The following GAD2 variants were observed in gnomAD, a reference collection of about 807,000 sequenced individuals.
GAD2 encodes 65 kDa glutamic acid decarboxylase.
Under a neutral mutation model 80.1 loss-of-function variants are expected in GAD2, and 22 were observed. That is an observed-to-expected ratio of 0.27 (90% CI 0.20 to 0.39). The LOEUF (loss-of-function observed/expected upper bound fraction) is 0.39. Ranked by LOEUF, GAD2 falls within the 10% of genes least tolerant of loss-of-function variation. The pLI is 1.00. For missense variants in GAD2, 624 were observed against 738.4 expected (o/e 0.85, Z 1.80); for synonymous variants, 274 against 256.9 (o/e 1.07, Z -0.64).
rs1422426469 is a variant in GAD2, at chr10:26,302,072, G to A, written c.*1111G>A. On this transcript the variant is annotated 3_prime_UTR_variant, in exon 16 of 16. Transcript: ENST00000376261. The stretch of plus-strand genomic sequence containing the variant: ...GCCCAGAAAATTAAAGTTGGCCTTG[G>A]GAGAAGAGATCTCTGTGGGACAATA... 1.3e-5 allele frequency: 2 copies of A among 152,026 alleles called. No individual in the cohort carries two copies. Among genetic ancestry groups the A allele is most frequent in the Non-Finnish European group, 2.9e-5 (2 of 68,008 alleles). The allele number at this position is 152,026 out of a possible 1,614,324, so 9.4% of individuals were successfully genotyped here. A position where few individuals can be genotyped will look rare whatever the true frequency, so the allele number is the denominator to read the frequency against.
chr10:26,248,111 C>T lies in GAD2; in HGVS notation c.920+2111C>T, dbSNP rs145244337. ...GCTCATGCTTAAGACTCAGCCTCCC[C>T]GATGGCTTGCAGGTAGGGGTTTTTA... On this transcript the variant is annotated intron_variant, in intron 8 of 15. Coordinates refer to ENST00000376261, the MANE Select transcript of GAD2 (RefSeq NM_001134366.2). Among the ~76,000 whole-genome samples the T allele has an allele frequency of 1.4e-3, 213 of 152,150 alleles. 1 individual carries two copies. Among genetic ancestry groups the T allele is most frequent in the Non-Finnish European group, 1.9e-3 (127 of 67,992 alleles).
chr10:26,292,817 G>A, intron 14 of GAD2, 85 bp from the exon 15 acceptor site: 1 of 1,143,722 alleles, frequency 8.7e-7, no homozygotes, highest in South Asian at 1.3e-5. Context: ...TTCTGAACCT[G>A]CTGAATACAT....
At chr10:26,278,253 G>A (rs1318476609) in intron 11 of GAD2, among the ~76,000 whole-genome samples, 3 of 152,320 alleles carry the variant, frequency 2.0e-5, no homozygotes, top group East Asian at 1.9e-4. Context: ...GAGTTTATCC[G>A]AATTAGACAT....
In GAD2 at chr10:26,217,814, G is replaced by C; in HGVS notation, c.137-28G>C. 1.3e-6 allele frequency: 2 copies of C among 1,587,374 alleles called. No homozygotes were observed. The highest frequency in any genetic ancestry group is 1.7e-6 in the Non-Finnish European group (2 of 1,166,256). On this transcript the variant is annotated intron_variant, in intron 2 of 15. Coordinates refer to ENST00000376261, the MANE Select transcript of GAD2 (RefSeq NM_001134366.2). The surrounding 1 kb of genome is among the most constrained non-coding windows in gnomAD (Gnocchi z 4.9). ...GAGCCGGGCCCGGCGGAGGATTGAC[G>C]AGGCCCGCGTTCGGTGTCCTTACCC...
In GAD2 at chr10:26,301,001, C is replaced by G. The variant is rs1232737874; in HGVS notation, c.*40C>G. The G allele has an allele frequency of 1.2e-5, 19 of 1,522,436 alleles. No homozygotes were observed. Among genetic ancestry groups the G allele is most frequent in the Non-Finnish European group, 1.7e-5 (19 of 1,099,334 alleles). The allele number at this position is 1,522,436 out of a possible 1,614,324, so 94.3% of individuals were successfully genotyped here. A position where few individuals can be genotyped will look rare whatever the true frequency, so the allele number is the denominator to read the frequency against. On this transcript the variant is annotated 3_prime_UTR_variant, in exon 16 of 16. Coordinates refer to ENST00000376261, the MANE Select transcript of GAD2 (RefSeq NM_001134366.2). ...AAGCTGTTCCACTTCTCTAGGTAGA[C>G]AATTAAGTTGTCACAAACTGTGTGA... is the stretch of plus-strand genomic sequence containing the variant.
intron 11 of GAD2, among the ~76,000 whole-genome samples, chr10:26,279,752 G>C (rs991662340): frequency 6.6e-6 from 1 of 152,198 alleles, no homozygotes; most frequent in Non-Finnish European, 1.5e-5. Context: ...TTACTGATGA[G>C]AGAGCATCAA....
intron 11 of GAD2, among the ~76,000 whole-genome samples, chr10:26,279,254 T>C (rs1194934937): frequency 6.6e-6 from 1 of 151,654 alleles, no homozygotes; most frequent in Non-Finnish European, 1.5e-5. Flanking sequence ...GCCACAGAGA[T>C]CATACTGAAA....
intron 15 of GAD2, among the ~76,000 whole-genome samples, chr10:26,298,466 G>A (rs994422628): frequency 2.0e-5 from 3 of 152,184 alleles, no homozygotes; most frequent in Admixed American, 6.5e-5. Context: ...CGGGAACTGA[G>A]GGGATTCAAT....
chr10:26,222,964 G>A (rs181161370), intron 4 of GAD2, among the ~76,000 whole-genome samples: 28 of 152,292 alleles, frequency 1.8e-4, no homozygotes, highest in African/African-American at 6.5e-4. Context: ...TGCAAATCAC[G>A]GACCTATCGA....
chr10:26,221,593 G>T (rs1844452720), intron 4 of GAD2, among the ~76,000 whole-genome samples: 2 of 152,226 alleles, frequency 1.3e-5, no homozygotes, highest in African/African-American at 2.4e-5. Flanking sequence ...TGTGAGTGTT[G>T]CCAGGACATA....
At chr10:26,248,478 C>A (rs948462118) in intron 8 of GAD2, among the ~76,000 whole-genome samples, 2 of 152,170 alleles carry the variant, frequency 1.3e-5, no homozygotes, top group Non-Finnish European at 2.9e-5. Flanking sequence ...GGTGGGAGTC[C>A]TGGAGTCCTG....
chr10:26,258,035 G>C (rs1482180263), intron 8 of GAD2, among the ~76,000 whole-genome samples: 1 of 152,074 alleles, frequency 6.6e-6, no homozygotes, highest in Non-Finnish European at 1.5e-5. Context: ...TGCTAGTCCT[G>C]TGTGTACTTC....
In GAD2 at chr10:26,216,995, T is replaced by A; in HGVS notation, c.76+110T>A. 1 of 914,476 alleles carries A rather than the reference T, an allele frequency of 1.1e-6. No individual in the cohort carries two copies. The highest frequency in any genetic ancestry group is 1.7e-6 in the Non-Finnish European group (1 of 588,336). The allele number at this position is 914,476 out of a possible 1,614,324, so 56.6% of individuals were successfully genotyped here. On this transcript the variant is annotated intron_variant, in intron 1 of 15. Transcript: ENST00000376261. This position sits in a 1 kb window ranked among gnomAD's most constrained non-coding sequence, Gnocchi z 4.7. The stretch of plus-strand genomic sequence containing the variant: ...TTTCCACCTGCAACAGGAAACTTCT[T>A]CGGGCGCTTCTCCCTGCTTTTGGGC...
intron 10 of GAD2, among the ~76,000 whole-genome samples, chr10:26,272,929 C>T (rs1041979774): frequency 2.6e-5 from 4 of 152,126 alleles, no homozygotes; most frequent in African/African-American, 9.7e-5. Context: ...GTGATTATAT[C>T]ATAAAAGAAT....
chr10:26,242,041 C>T (rs182901510), intron 7 of GAD2, among the ~76,000 whole-genome samples: 1 of 152,104 alleles, frequency 6.6e-6, no homozygotes, highest in African/African-American at 2.4e-5. Context: ...AGTGCAGTGG[C>T]GTGATCTTGG....
chr10:26,294,851 T>C (rs965291346), intron 15 of GAD2, among the ~76,000 whole-genome samples: 3 of 152,210 alleles, frequency 2.0e-5, no homozygotes, highest in Non-Finnish European at 2.9e-5. Context: ...GAAAAAATTC[T>C]TATTTTTCCT....
chr10:26,244,404 G>C (rs191570563), intron 7 of GAD2, among the ~76,000 whole-genome samples: 1 of 152,322 alleles, frequency 6.6e-6, no homozygotes, highest in Admixed American at 6.5e-5. Flanking sequence ...GCAATTGAAA[G>C]CAGAGTCTTG....
At chr10:26,293,554 G>A (rs937789772) in intron 15 of GAD2, among the ~76,000 whole-genome samples, 18 of 152,118 alleles carry the variant, frequency 1.2e-4, no homozygotes, top group Non-Finnish European at 2.5e-4. Context: ...GTAGTCAGGC[G>A]ATAACCTTTG....
chr10:26,263,545 C>A (rs1349912694), intron 8 of GAD2, among the ~76,000 whole-genome samples: 3 of 152,184 alleles, frequency 2.0e-5, no homozygotes, highest in Admixed American at 2.0e-4. Flanking sequence ...CTGTGCAATT[C>A]ATCTTCAACA....
Sources: gnomAD v4.1 joint callset for allele counts (sites outside exome capture counted in the v4.1 genomes callset) on GRCh38, gnomAD v4.1.1 for gene constraint, Gnocchi (gnomAD v3.1) non-coding constraint, MANE v1.5 for transcripts, NCBI Gene and HGNC (gene_info 2026-07-23, HGNC 2026-07-21) for gene names.